The following SLC22A25 variants were observed in gnomAD, a reference collection of about 807,000 sequenced individuals.
The protein encoded by SLC22A25 is MGI:2442751, MGI:2385316, MGI:3042283, MGI:3645714, MGI:3605624, MGI:2442750.
SLC22A25 carries 44 observed loss-of-function variants against 45.9 expected under a neutral mutation model. That is an observed-to-expected ratio of 0.96 (90% CI 0.75 to 1.23). The LOEUF (loss-of-function observed/expected upper bound fraction) is 1.23. Among genes scored for constraint, SLC22A25 ranks in the 50% most tolerant of loss-of-function variants. The pLI, the probability that SLC22A25 is intolerant of heterozygous loss-of-function variation, is 0.00. For synonymous variants in SLC22A25, 283 were observed against 238.6 expected (o/e 1.19, Z -1.72); for missense variants, 800 against 666.4 (o/e 1.20, Z -2.21).
At chr11:63,239,614 T>G (rs778563668) in intron 1 of SLC22A25, among the ~76,000 whole-genome samples, 33 of 152,228 alleles carry the variant, frequency 2.2e-4, no homozygotes, top group Admixed American at 6.6e-5. Context: ...AAAGAGTTAG[T>G]GTGAGCTAAT....
intron 8 of SLC22A25, among the ~76,000 whole-genome samples, chr11:63,182,820 T>C (rs1474054655): frequency 6.6e-6 from 1 of 152,162 alleles, no homozygotes; most frequent in Non-Finnish European, 1.5e-5. Context: ...TTATTCATTC[T>C]CTCTGATTAA....
chr11:63,221,541 G>A lies in SLC22A25; in HGVS notation c.507-3806C>T, dbSNP rs1045245540. Among the ~76,000 whole-genome samples the A allele has an allele frequency of 5.3e-5, 8 of 152,014 alleles. No individual in the cohort carries two copies. The East Asian group carries it at 1.5e-3, about 29-fold the overall frequency. On this transcript the variant is annotated intron_variant, in intron 5 of 11. Transcript: ENST00000306494. The stretch of plus-strand genomic sequence containing the variant: ...TATTCTGGTTATTAATCCCTTATCA[G>A]ATGGGTAACTTGCAAAATTCCTCCC...
intron 5 of SLC22A25, among the ~76,000 whole-genome samples, chr11:63,227,466 G>T (rs1277250686): frequency 2.0e-5 from 3 of 152,046 alleles, no homozygotes; most frequent in South Asian, 2.1e-4. Context: ...CAAATGAAGG[G>T]ATCATGACTC....
chr11:63,164,461 T>TTAAG, intron 11 of SLC22A25, 65 bp downstream of exon 11: 1 of 1,375,636 alleles, frequency 7.3e-7, no homozygotes, highest in Non-Finnish European at 1.0e-6. Flanking sequence ...TTTTCCCTTG[T>TTAAG]TAAGTGTCAA....
chr11:63,219,687 A>G (rs2089805638), intron 5 of SLC22A25, among the ~76,000 whole-genome samples: 2 of 152,212 alleles, frequency 1.3e-5, no homozygotes, highest in South Asian at 2.1e-4. Flanking sequence ...TTTGTGATAA[A>G]GCTCCAAATC....
At chr11:63,219,930 ACC>A in intron 5 of SLC22A25, 1 of 1,289,056 alleles carries the variant, frequency 7.8e-7, no homozygotes, top group Non-Finnish European at 1.0e-6. Context: ...CAGGAGAGAT[ACC>A]AGAAGACGTG....
At chr11:63,207,128 T>G (rs1184362912) in intron 7 of SLC22A25, among the ~76,000 whole-genome samples, 3 of 151,984 alleles carry the variant, frequency 2.0e-5, no homozygotes, top group Non-Finnish European at 4.4e-5. Context: ...TCAGGATGAA[T>G]TAAAGACTTA....
At chr11:63,242,662 C>A (rs956629097) in intron 1 of SLC22A25, among the ~76,000 whole-genome samples, 3 of 152,162 alleles carry the variant, frequency 2.0e-5, no homozygotes, top group Non-Finnish European at 2.9e-5. Context: ...TTTGGCAACA[C>A]CCTCACAGAC....
At chr11:63,234,075 A>G (rs1325988769) in intron 3 of SLC22A25, among the ~76,000 whole-genome samples, 3 of 152,132 alleles carry the variant, frequency 2.0e-5, no homozygotes, top group Non-Finnish European at 4.4e-5. Context: ...CAACTTTTGG[A>G]ATAGGAGTGG....
intron 7 of SLC22A25, among the ~76,000 whole-genome samples, chr11:63,194,889 GCAAAAAAAAAAAAAAAAAAA>G (rs2088953131): frequency 1.4e-4 from 2 of 14,314 alleles, no homozygotes; most frequent in Admixed American, 1.0e-3. Context: ...CAAATGGAAA[GCAAAAAAAAAAAAAAAAAAA>G]AAAAAAAAAA....
At position 63,213,380 on chromosome 11, in the gene SLC22A25, G is replaced by A. The variant is rs534565733; in HGVS notation, c.830+3934C>T. On this transcript the variant is annotated intron_variant, in intron 7 of 11. Coordinates refer to ENST00000306494, the MANE Select transcript of SLC22A25 (RefSeq NM_199352.6). ...GATGAATGAAAGGGAATGGCAGTGG[G>A]AGTCTTAACTCAGTTGTTGGGCTGT... Among the ~76,000 whole-genome samples the A allele has an allele frequency of 2.6e-5, 4 of 152,300 alleles. No individual in the cohort carries two copies. In the East Asian group the frequency reaches 7.7e-4, roughly 29 times the overall value.
intron 9 of SLC22A25, among the ~76,000 whole-genome samples, chr11:63,176,987 T>G (rs61928111): frequency 0.017 from 2,606 of 152,152 alleles, 41 homozygotes; most frequent in Middle Eastern, 0.037. Context: ...AACTCTTTAT[T>G]TCTCTTCATT....
At chr11:63,242,960 C>A in intron 1 of SLC22A25, 1 of 154,978 alleles carries the variant, frequency 6.5e-6, no homozygotes, top group South Asian at 1.8e-4. Context: ...CTGAAAACCC[C>A]CTATTGAGCC....
chr11:63,187,354 A>G (rs1310552731), intron 7 of SLC22A25, among the ~76,000 whole-genome samples: 3 of 152,062 alleles, frequency 2.0e-5, no homozygotes, highest in Admixed American at 6.5e-5. Context: ...TTTGTCTGTT[A>G]TTGGTGTATA....
chr11:63,236,282 G>A (rs1483401750), intron 3 of SLC22A25, among the ~76,000 whole-genome samples: 1 of 152,198 alleles, frequency 6.6e-6, no homozygotes, highest in Non-Finnish European at 1.5e-5. Flanking sequence ...GAGATGTGGT[G>A]GGCTCCACCC....
intron 5 of SLC22A25, chr11:63,220,127 A>G (rs1343861007): frequency 2.6e-6 from 2 of 768,952 alleles, no homozygotes; most frequent in South Asian, 1.5e-5. Flanking sequence ...GTTGTAAGGT[A>G]GAGGTTGTAA....
chr11:63,238,394 C>T (rs1280373582), intron 2 of SLC22A25, among the ~76,000 whole-genome samples: 1 of 103,784 alleles, frequency 9.6e-6, no homozygotes, highest in South Asian at 3.1e-4. Flanking sequence ...TTTGATCAAC[C>T]TCCCAGTATT....
chr11:63,235,936 C>T (rs567588175), intron 3 of SLC22A25, among the ~76,000 whole-genome samples: 1 of 152,316 alleles, frequency 6.6e-6, no homozygotes, highest in Non-Finnish European at 1.5e-5. Flanking sequence ...TGGGTATCAG[C>T]AGCGGTGGCT....
intron 7 of SLC22A25, among the ~76,000 whole-genome samples, chr11:63,192,008 A>C (rs182036647): frequency 1.4e-4 from 21 of 152,320 alleles, no homozygotes; most frequent in African/African-American, 5.1e-4. Flanking sequence ...TCACAAGAAG[A>C]TCATCTTCAA....
Sources: gnomAD v4.1 joint callset for allele counts (sites outside exome capture counted in the v4.1 genomes callset) on GRCh38, gnomAD v4.1.1 for gene constraint, MANE v1.5 for transcripts, NCBI Gene and HGNC (gene_info 2026-07-23, HGNC 2026-07-21) for gene names.